Variants in PAPPA2 observed in about 807,000 individuals in gnomAD.
The protein encoded by PAPPA2 is pappalysin 2, also known as pappalysin-2.
In PAPPA2, 86 loss-of-function variants were observed where a neutral mutation model predicts 176.4. That is an observed-to-expected ratio of 0.49 (90% CI 0.41 to 0.58). The LOEUF is 0.58. Among genes scored for constraint, PAPPA2 ranks in the 20% least tolerant of loss-of-function variants. The pLI is 0.00. For missense variants in PAPPA2, 2,073 were observed against 2,256.9 expected, an observed-to-expected ratio of 0.92 and a Z score of 1.65; for synonymous variants, 809 against 852.2, an observed-to-expected ratio of 0.95 and a Z score of 0.88.
chr1:176,554,972 AGTGTGT>A (rs561289002), intron 1 of PAPPA2, among the ~76,000 whole-genome samples: 2 of 140,816 alleles, frequency 1.4e-5, no homozygotes, highest in Admixed American at 7.3e-5. Context: ...GTTCACAGTA[AGTGTGT>A]GTGTGTGTGT....
rs1419184249 is a variant in PAPPA2 at position 176,595,003 on chromosome 1, T to G, written c.1399T>G (p.Trp467Gly). 6.2e-7 allele frequency: 1 copy of G among 1,613,866 alleles called. No individual in the cohort carries two copies. The highest frequency in any genetic ancestry group is 8.5e-7 in the Non-Finnish European group (1 of 1,179,994). Residue 467 changes from tryptophan (W) to glycine (G), a missense_variant, in exon 3 of 23, where the codon TGG (tryptophan) becomes GGG (glycine). Coordinates refer to ENST00000367662, the MANE Select transcript of PAPPA2 (RefSeq NM_020318.3). ...TASFEPVNTE[W>G]VPFRDEKYPR... ...GAGCTTTGAGCCTGTGAACACAGAGTGGGTTCCCTTTAGAGATGAGAAGTA... is the reference window on the plus strand; with the variant it reads ...GAGCTTTGAGCCTGTGAACACAGAGGGGGTTCCCTTTAGAGATGAGAAGTA...
chr1:176,626,042 TA>T (rs1054962766), intron 3 of PAPPA2, among the ~76,000 whole-genome samples: 4 of 151,420 alleles, frequency 2.6e-5, no homozygotes, highest in South Asian at 4.2e-4. Context: ...TTGTAAAAAT[TA>T]AAAAAAAATT....
chr1:176,791,339 T>A lies in PAPPA2; in HGVS notation c.4885-8T>A. On this transcript the variant is annotated splice_polypyrimidine_tract_variant and splice_region_variant and intron_variant, in intron 18 of 22. Transcript: ENST00000367662. The stretch of plus-strand genomic sequence containing the variant: ...CAATAATTAAGATGTTTACTTTTGA[T>A]ATTCTAGCTTCCCATCCTCTGCACT... 6.2e-7 allele frequency: 1 copy of A among 1,603,874 alleles called. No homozygotes were observed. Among genetic ancestry groups the A allele is most frequent in the Non-Finnish European group, 8.5e-7 (1 of 1,173,048 alleles).
At chr1:176,496,058 A>G (rs1039712408) in intron 1 of PAPPA2, among the ~76,000 whole-genome samples, 7 of 152,208 alleles carry the variant, frequency 4.6e-5, no homozygotes, top group Middle Eastern at 3.2e-3. Context: ...TATTCAGGCT[A>G]TGACAATGTT....
At chr1:176,653,123 T>A (rs1301164587) in intron 3 of PAPPA2, among the ~76,000 whole-genome samples, 1 of 151,700 alleles carries the variant, frequency 6.6e-6, no homozygotes, top group South Asian at 2.1e-4. Context: ...TGGAAGTATA[T>A]GTTTAGAACA....
At position 176,595,349 on chromosome 1, in the gene PAPPA2, T is replaced by C; in HGVS notation, c.1745T>C (p.Val582Ala). 1 of 1,614,182 alleles carries C rather than the reference T, an allele frequency of 6.2e-7. No individual in the cohort carries two copies. The highest frequency in any genetic ancestry group is 8.5e-7 in the Non-Finnish European group (1 of 1,180,038). The change falls in exon 3 of 23, where the codon GTG becomes GCG. Residue 582 changes from valine to alanine, a missense_variant. This residue lies in a region of PAPPA2 where 1,196 missense variants were observed against 1,330.4 expected (regional missense o/e 0.90). Transcript: ENST00000367662. ...VHNSTLRHRV[V>A]LVNCEPSKIG... Reference sequence around the variant, plus strand: ...AATTCCACCCTGCGACACCGGGTTGTGCTTGTGAACTGTGAGCCCAGCAAG... The same window carrying C: ...AATTCCACCCTGCGACACCGGGTTGCGCTTGTGAACTGTGAGCCCAGCAAG...
intron 2 of PAPPA2, among the ~76,000 whole-genome samples, chr1:176,569,769 G>C (rs1652209032): frequency 6.6e-6 from 1 of 152,198 alleles, no homozygotes; most frequent in Admixed American, 6.5e-5. Context: ...ATATGTATTT[G>C]ATAAGAAGAT....
chr1:176,684,737 C>A (rs1659753886), intron 4 of PAPPA2, among the ~76,000 whole-genome samples: 2 of 152,170 alleles, frequency 1.3e-5, no homozygotes, highest in Non-Finnish European at 2.9e-5. Context: ...TAAATCTGAT[C>A]TAACAATAAT....
At chr1:176,500,801 A>C (rs950943687) in intron 1 of PAPPA2, among the ~76,000 whole-genome samples, 1 of 151,272 alleles carries the variant, frequency 6.6e-6, no homozygotes, top group Admixed American at 6.6e-5. Context: ...ACATAAATCT[A>C]AACCATGGTT....
At chr1:176,660,229 A>C (rs1029651891) in intron 3 of PAPPA2, among the ~76,000 whole-genome samples, 1 of 152,022 alleles carries the variant, frequency 6.6e-6, no homozygotes, top group Non-Finnish European at 1.5e-5. Flanking sequence ...ATTTTCCCCC[A>C]GGAGAGCCGT....
intron 2 of PAPPA2, among the ~76,000 whole-genome samples, chr1:176,562,697 G>A (rs569209794): frequency 6.6e-6 from 1 of 152,324 alleles, no homozygotes; most frequent in South Asian, 2.1e-4. Context: ...TTCTGGGGAT[G>A]GATTTACCCA....
intron 1 of PAPPA2, among the ~76,000 whole-genome samples, chr1:176,527,627 G>T (rs1649571262): frequency 6.6e-6 from 1 of 152,138 alleles, no homozygotes; most frequent in Admixed American, 6.5e-5. Flanking sequence ...CTTTGGTTTT[G>T]CCCCCACACT....
At chr1:176,690,457 C>CTGTTAAGAATACAT (rs1558521911) in intron 5 of PAPPA2, 27 bp downstream of exon 5, 1 of 1,606,012 alleles carries the variant, frequency 6.2e-7, no homozygotes, top group Admixed American at 1.7e-5. Context: ...GTTTTGTTTT[C>CTGTTAAGAATACAT]TGTTAAGAAT....
At chr1:176,742,053 C>T (rs998250317) in intron 14 of PAPPA2, among the ~76,000 whole-genome samples, 10 of 152,302 alleles carry the variant, frequency 6.6e-5, no homozygotes, top group Admixed American at 3.3e-4. Context: ...TTTTGGCAAA[C>T]GGATTCCTCC....
intron 4 of PAPPA2, among the ~76,000 whole-genome samples, chr1:176,676,731 TAC>T (rs35103046): frequency 3.4e-3 from 500 of 148,808 alleles, no homozygotes; most frequent in Middle Eastern, 0.014. Flanking sequence ...TGCATACAAC[TAC>T]ACACACACAC....
chr1:176,820,807 A>G (rs907447627), intron 21 of PAPPA2, among the ~76,000 whole-genome samples: 2 of 152,006 alleles, frequency 1.3e-5, no homozygotes, highest in Non-Finnish European at 2.9e-5. Context: ...GGGAAAAAAA[A>G]GTAAAAGAAA....
intron 2 of PAPPA2, among the ~76,000 whole-genome samples, chr1:176,578,091 G>A (rs1290056639): frequency 5.3e-5 from 8 of 152,126 alleles, no homozygotes; most frequent in African/African-American, 1.7e-4. Flanking sequence ...TCTGTGCCAA[G>A]AGCAGCATTT....
chr1:176,602,751 C>T (rs1558466226), intron 3 of PAPPA2, among the ~76,000 whole-genome samples: 1 of 151,968 alleles, frequency 6.6e-6, no homozygotes, highest in Non-Finnish European at 1.5e-5. Flanking sequence ...TCAAAATTCA[C>T]AGGCAGTGTG....
chr1:176,559,773 C>T (rs563344755), intron 2 of PAPPA2, among the ~76,000 whole-genome samples: 3 of 152,262 alleles, frequency 2.0e-5, no homozygotes, highest in South Asian at 4.1e-4. Context: ...TGGAATGATC[C>T]GAGGTGCTGC....
Sources: gnomAD v4.1 joint callset for allele counts (sites outside exome capture counted in the v4.1 genomes callset) on GRCh38, gnomAD v4.1.1 for gene constraint, gnomAD v4.1.1 regional missense constraint, MANE v1.5 for transcripts, NCBI Gene and HGNC (gene_info 2026-07-23, HGNC 2026-07-21) for gene names.